ATP2A1: variants seen among roughly 807,000 people sequenced by gnomAD.
ATP2A1 encodes the protein ATPase sarcoplasmic/endoplasmic reticulum Ca2+ transporting 1.
ATP2A1 carries 83 observed loss-of-function variants against 109.5 expected under a neutral mutation model. That is an observed-to-expected ratio of 0.76 (90% CI 0.63 to 0.91). The LOEUF (loss-of-function observed/expected upper bound fraction) is 0.91. Ranked by LOEUF, ATP2A1 falls within the 40% of genes least tolerant of loss-of-function variation. The pLI is 0.00. For missense variants in ATP2A1, 1,101 were observed against 1,341.0 expected, an observed-to-expected ratio of 0.82 and a Z score of 2.80; for synonymous variants, 505 against 537.6, an observed-to-expected ratio of 0.94 and a Z score of 0.84.
chr16:28,903,111 C>T lies in ATP2A1; in HGVS notation c.2826C>T (p.Ser942=). 6.2e-7 allele frequency: 1 copy of T among 1,613,814 alleles called. No individual in the cohort carries two copies. Among genetic ancestry groups the T allele is most frequent in the Non-Finnish European group, 8.5e-7 (1 of 1,180,004 alleles). ...TGGGCTCCATCTGCCTCTCCATGTC[C>T]CTGCACTTCCTCATCCTCTATGTTG... The part of the protein sequence containing the change: ...WLLGSICLSM[S]LHFLILYVDP... The change falls in exon 20 of 23, where the codon TCC becomes TCT. Residue 942 remains serine (S), a synonymous_variant. Coordinates refer to ENST00000395503, the MANE Select transcript of ATP2A1 (RefSeq NM_004320.6). The surrounding 1 kb of genome is among the most constrained non-coding windows in gnomAD (Gnocchi z 5.6).
At position 28,904,319 on chromosome 16, in the gene ATP2A1, T is replaced by C; in HGVS notation, c.*177T>C. ...CGTGTCATGTGTCTGTTTATAAACA[T>C]GTCCCCTTCCCTTTCCTTCCCCCTC... On this transcript the variant is annotated 3_prime_UTR_variant, in exon 23 of 23. Transcript: ENST00000395503. The C allele has an allele frequency of 1.3e-6, 2 of 1,596,290 alleles. No homozygotes were observed. Among genetic ancestry groups the C allele is most frequent in the Non-Finnish European group, 1.7e-6 (2 of 1,173,878 alleles).
chr16:28,898,812 A>T lies in ATP2A1; in HGVS notation c.1764+361A>T, dbSNP rs1395512585. ...TGGGTAAAAAGTAAAATACATTTTT[A>T]AAAATGTTAAAAGAAAAGAGATGAA... On this transcript the variant is annotated intron_variant, in intron 14 of 22. Coordinates refer to ENST00000395503, the MANE Select transcript of ATP2A1 (RefSeq NM_004320.6). The surrounding 1 kb of genome is among the most constrained non-coding windows in gnomAD (Gnocchi z 4.0). 6.6e-6 allele frequency among the ~76,000 whole-genome samples: 1 copy of T among 152,138 alleles called. No individual in the cohort carries two copies. Among genetic ancestry groups the T allele is most frequent in the African/African-American group, 2.4e-5 (1 of 41,428 alleles).
At chr16:28,888,727 G>T (rs1963686841) in intron 8 of ATP2A1, 60 bp from the exon 9 acceptor site, 2 of 1,583,002 alleles carry the variant, frequency 1.3e-6, no homozygotes, top group Admixed American at 1.7e-5. Flanking sequence ...TTAGCCCCTT[G>T]CAGGTTCCCT....
At chr16:28,887,851 A>T (rs1439977559) in intron 8 of ATP2A1, 129 bp downstream of exon 8, 5 of 1,243,862 alleles carry the variant, frequency 4.0e-6, no homozygotes, top group Non-Finnish European at 5.7e-6. Context: ...CCCAGGCTGG[A>T]GTGCAGTGGC....
Position 28,879,424 on chromosome 16 carries a change from G to A in ATP2A1, c.137-77G>A, listed in dbSNP as rs561462745. 1.0e-4 allele frequency: 138 copies of A among 1,369,320 alleles called. 1 individual carries two copies. Among genetic ancestry groups the A allele is most frequent in the Admixed American group, 8.9e-4 (53 of 59,616 alleles). 84.8% of individuals were successfully genotyped at this position (1,369,320 alleles called of 1,614,324 possible). ...CCCTAGAGCCTCCCCACTGCAGGCC[G>A]GAGTCCAGGGCGCTCCATCCCAGAC... On this transcript the variant is annotated intron_variant, in intron 2 of 22. Transcript: ENST00000395503.
chr16:28,886,022 C>T (rs1345384496), intron 6 of ATP2A1, among the ~76,000 whole-genome samples: 1 of 151,704 alleles, frequency 6.6e-6, no homozygotes, highest in Non-Finnish European at 1.5e-5. Context: ...ATTTTTTTAA[C>T]TAGCTGGGTG....
chr16:28,903,557 CTG>C lies in ATP2A1; in HGVS notation c.2980+121_2980+122del, dbSNP rs928006237. On this transcript the variant is annotated intron_variant, in intron 21 of 22. Transcript: ENST00000395503. This position sits in a 1 kb window ranked among gnomAD's most constrained non-coding sequence, Gnocchi z 5.6. ...GTAAGTTTCTCAGCCCTGGCAGGAC[CTG>C]TGTCCGCCCCGTTCCCCCTGCGCCT... The C allele has an allele frequency of 8.0e-7, 1 of 1,242,350 alleles. No homozygotes were observed. Among genetic ancestry groups the C allele is most frequent in the African/African-American group, 1.5e-5 (1 of 67,216 alleles). The allele number at this position is 1,242,350 out of a possible 1,614,324, so 77.0% of individuals were successfully genotyped here.
intron 3 of ATP2A1, chr16:28,879,968 C>T (rs1183555583): frequency 4.0e-6 from 4 of 1,011,374 alleles, no homozygotes; most frequent in East Asian, 1.1e-4. Context: ...CACCAATCCC[C>T]GCGCCCGTCG....
intron 15 of ATP2A1, among the ~76,000 whole-genome samples, chr16:28,901,208 T>C (rs995368982): frequency 6.6e-6 from 1 of 150,986 alleles, no homozygotes; most frequent in African/African-American, 2.4e-5. Flanking sequence ...CAGTGGCACA[T>C]ATTTGTGGTC....
intron 6 of ATP2A1, 76 bp from the exon 7 acceptor site, chr16:28,887,112 AG>A: frequency 6.9e-7 from 1 of 1,454,774 alleles, no homozygotes; most frequent in Non-Finnish European, 9.7e-7. Flanking sequence ...CCTGCTGAGC[AG>A]GGAGAGAGTT....
In ATP2A1 at chr16:28,880,146, C is replaced by A; in HGVS notation, c.219+563C>A. ...TTACCCGCCCAGCCTGGCCTTAGCCCTTCCCCGCGCTCCCTAGGCACCCCC... is the reference window on the plus strand; with the variant it reads ...TTACCCGCCCAGCCTGGCCTTAGCCATTCCCCGCGCTCCCTAGGCACCCCC... On this transcript the variant is annotated intron_variant, in intron 3 of 22. Transcript: ENST00000395503. The surrounding 1 kb of genome is among the most constrained non-coding windows in gnomAD (Gnocchi z 4.2). 9.0e-6 allele frequency: 9 copies of A among 994,590 alleles called. No individual in the cohort carries two copies. The highest frequency in any genetic ancestry group is 9.6e-6 in the Non-Finnish European group (8 of 836,798). The allele number at this position is 994,590 out of a possible 1,614,324, so 61.6% of individuals were successfully genotyped here.
chr16:28,904,300 A>T lies in ATP2A1; in HGVS notation c.*158A>T, dbSNP rs1037560496. ...CCGTCCTGTCCCCCACACCCGTGTC[A>T]TGTGTCTGTTTATAAACATGTCCCC... On this transcript the variant is annotated 3_prime_UTR_variant, in exon 23 of 23. Transcript: ENST00000395503. 1.2e-5 allele frequency: 19 copies of T among 1,608,990 alleles called. No homozygotes were observed. Among genetic ancestry groups the T allele is most frequent in the Middle Eastern group, 3.3e-4 (2 of 6,050 alleles).
chr16:28,901,026 G>A lies in ATP2A1; in HGVS notation c.2100+110G>A, dbSNP rs567915352. ...AGGGCCCTGGTAAGATGCAAGAAGG[G>A]TGGGGATTCAGACCCCAAGGAAGAG... On this transcript the variant is annotated intron_variant, in intron 15 of 22. Transcript: ENST00000395503. The A allele has an allele frequency of 1.6e-4, 222 of 1,419,236 alleles. 3 individuals are homozygous for A. In the East Asian group the frequency reaches 5.0e-3, roughly 32 times the overall value. 87.9% of individuals were successfully genotyped at this position (1,419,236 alleles called of 1,614,324 possible). A position where few individuals can be genotyped will look rare whatever the true frequency, so the allele number is the denominator to read the frequency against.
Position 28,899,829 on chromosome 16 carries a change from G to A in ATP2A1, c.1765-752G>A, listed in dbSNP as rs549639194. Among the ~76,000 whole-genome samples the A allele has an allele frequency of 1.3e-3, 197 of 151,490 alleles. 2 individuals carry two copies. Among genetic ancestry groups the A allele is most frequent in the African/African-American group, 4.2e-3 (175 of 41,210 alleles). On this transcript the variant is annotated intron_variant, in intron 14 of 22. Coordinates refer to ENST00000395503, the MANE Select transcript of ATP2A1 (RefSeq NM_004320.6). ...AAAAAAATTAGCCAGGCGTGGTGGTGCGCCCTTATAATCCCAGCTACTCAG... is the reference window on the plus strand; with the variant it reads ...AAAAAAATTAGCCAGGCGTGGTGGTACGCCCTTATAATCCCAGCTACTCAG...
chr16:28,890,050 G>T (rs373132711), intron 9 of ATP2A1, among the ~76,000 whole-genome samples: 8 of 152,182 alleles, frequency 5.3e-5, no homozygotes, highest in African/African-American at 1.9e-4. Context: ...GCTGAGGCAG[G>T]AAAATTGCTT....
chr16:28,894,744 C>T lies in ATP2A1; in HGVS notation c.1288-78C>T, dbSNP rs921556564. 3 of 1,606,640 alleles carry T rather than the reference C, an allele frequency of 1.9e-6. No homozygotes were observed. In the African/African-American group the frequency reaches 4.0e-5, roughly 21 times the overall value. ...AAGGGAGGCAGTGGTTTGCTTCCTT[C>T]TTACGCTAGGTGGAAGGAGGGTATG... is the stretch of plus-strand genomic sequence containing the variant. On this transcript the variant is annotated intron_variant, in intron 11 of 22. Transcript: ENST00000395503.
rs1238461753 is a variant in ATP2A1, at chr16:28,888,585, A to G, written c.929-202A>G. ...CACCACACCCAGCTAATTTTTAAAT[A>G]TTTTCAGAGGAGTCTCACTGTGTTT... On this transcript the variant is annotated intron_variant, in intron 8 of 22. Coordinates refer to ENST00000395503, the MANE Select transcript of ATP2A1 (RefSeq NM_004320.6). Among the ~76,000 whole-genome samples the G allele has an allele frequency of 2.0e-5, 3 of 151,102 alleles. 1 individual carries two copies. Among genetic ancestry groups the G allele is most frequent in the East Asian group, 3.9e-4 (2 of 5,094 alleles).
At chr16:28,890,935 C>T (rs1235405637) in intron 9 of ATP2A1, among the ~76,000 whole-genome samples, 1 of 152,024 alleles carries the variant, frequency 6.6e-6, no homozygotes, top group African/African-American at 2.4e-5. Context: ...GATCTGCCCA[C>T]CTCGGCCTCC....
At chr16:28,884,499 C>A in intron 5 of ATP2A1, 76 bp from the exon 6 acceptor site, 1 of 1,381,234 alleles carries the variant, frequency 7.2e-7, no homozygotes, top group Non-Finnish European at 1.0e-6. Context: ...ACGAGTCAGA[C>A]ACAGATTGGG....
Sources: gnomAD v4.1 joint callset for allele counts (sites outside exome capture counted in the v4.1 genomes callset) on GRCh38, gnomAD v4.1.1 for gene constraint, Gnocchi (gnomAD v3.1) non-coding constraint, MANE v1.5 for transcripts, NCBI Gene and HGNC (gene_info 2026-07-23, HGNC 2026-07-21) for gene names.